The following ATF7 variants were observed in gnomAD, a reference collection of about 807,000 sequenced individuals.
ATF7 encodes cyclic AMP-dependent transcription factor ATF-7.
In ATF7, 10 loss-of-function variants were observed where a neutral mutation model predicts 50.4. The ratio of observed to expected loss-of-function variants is 0.20; its 90% CI spans 0.12 to 0.34. ATF7 has a LOEUF of 0.34. ATF7 is among the 10% of genes least tolerant of loss of function. ATF7 has a pLI of 1.00. For synonymous variants in ATF7, 201 were observed against 226.4 expected, an observed-to-expected ratio of 0.89 and a Z score of 1.01; for missense variants, 465 against 613.9, an observed-to-expected ratio of 0.76 and a Z score of 2.56.
intron 3 of ATF7, among the ~76,000 whole-genome samples, chr12:53,551,917 G>A (rs1179187975): frequency 6.6e-6 from 1 of 152,206 alleles, no homozygotes; most frequent in Non-Finnish European, 1.5e-5. Flanking sequence ...TGGTTTGAGA[G>A]CAGTTGCTAA....
chr12:53,600,229 T>C (rs1943335058), intron 2 of ATF7, among the ~76,000 whole-genome samples: 1 of 152,324 alleles, frequency 6.6e-6, no homozygotes, highest in South Asian at 2.1e-4. Context: ...AAAATCCAAA[T>C]AGATTCTGGC....
At chr12:53,606,341 C>T (rs562839626) in intron 1 of ATF7, among the ~76,000 whole-genome samples, 61 of 152,020 alleles carry the variant, frequency 4.0e-4, no homozygotes, top group African/African-American at 1.4e-3. Context: ...CTCTGCCTCC[C>T]GGATTCAAGC....
intron 2 of ATF7, among the ~76,000 whole-genome samples, chr12:53,586,784 C>T (rs1298345530): frequency 6.6e-6 from 1 of 152,126 alleles, no homozygotes; most frequent in East Asian, 1.9e-4. Context: ...ATCACTCTCT[C>T]ACACACACAC....
chr12:53,522,409 A>G (rs901564638), intron 11 of ATF7, among the ~76,000 whole-genome samples: 2 of 151,734 alleles, frequency 1.3e-5, no homozygotes. Flanking sequence ...AAACACAAAA[A>G]TTAGCCAGGC....
chr12:53,523,116 A>AT (rs939221646), intron 11 of ATF7, 160 bp downstream of exon 11: 15 of 586,516 alleles, frequency 2.6e-5, no homozygotes, highest in Middle Eastern at 4.6e-4. Context: ...CTACAAAAAC[A>AT]TTTTTTTTCT....
intron 1 of ATF7, among the ~76,000 whole-genome samples, chr12:53,613,006 GA>G: frequency 6.9e-6 from 1 of 145,644 alleles, no homozygotes; most frequent in Middle Eastern, 3.5e-3. Flanking sequence ...TCTGTCTCAA[GA>G]AAAAAAAAAG....
intron 2 of ATF7, among the ~76,000 whole-genome samples, chr12:53,574,318 T>C (rs1437241911): frequency 6.6e-6 from 1 of 152,134 alleles, no homozygotes; most frequent in South Asian, 2.1e-4. Context: ...CATGGAAGCA[T>C]TGCACCCCTT....
intron 2 of ATF7, among the ~76,000 whole-genome samples, chr12:53,573,130 G>C (rs1941866252): frequency 6.6e-6 from 1 of 151,210 alleles, no homozygotes. Flanking sequence ...GATATTTTGA[G>C]AGAGAGAACA....
At chr12:53,577,476 G>C (rs1942139907) in intron 2 of ATF7, among the ~76,000 whole-genome samples, 3 of 151,986 alleles carry the variant, frequency 2.0e-5, no homozygotes, top group Admixed American at 2.0e-4. Context: ...CAGCACTTTG[G>C]GAGGCCGAGG....
intron 11 of ATF7, among the ~76,000 whole-genome samples, chr12:53,520,882 G>T (rs1243281477): frequency 6.6e-6 from 1 of 151,840 alleles, no homozygotes; most frequent in African/African-American, 2.4e-5. Context: ...GCCTGCTCTC[G>T]TCACTTTCAC....
chr12:53,620,575 C>CAAAAAAAAA (rs34516346), intron 1 of ATF7, among the ~76,000 whole-genome samples: 165 of 75,658 alleles, frequency 2.2e-3, no homozygotes, highest in East Asian at 2.8e-3. Context: ...GACTCCGTCT[C>CAAAAAAAAA]AAAAAAAAAA....
intron 4 of ATF7, among the ~76,000 whole-genome samples, chr12:53,541,229 T>G (rs1939532003): frequency 1.3e-5 from 2 of 152,160 alleles, no homozygotes; most frequent in African/African-American, 4.8e-5. Context: ...ATGGAAATTT[T>G]TTCTTAAATA....
intron 2 of ATF7, among the ~76,000 whole-genome samples, chr12:53,594,589 T>A (rs1445784172): frequency 6.6e-6 from 1 of 152,194 alleles, no homozygotes; most frequent in Non-Finnish European, 1.5e-5. Flanking sequence ...GTCTACATTT[T>A]AAAAATTCCA....
chr12:53,543,806 T>C (rs1423572980), intron 3 of ATF7: 2 of 200,544 alleles, frequency 1.0e-5, no homozygotes, highest in African/African-American at 2.3e-5. Context: ...GAAAACCAAG[T>C]ATAGTTAAGC....
chr12:53,559,401 G>A lies in ATF7; in HGVS notation c.49-6764C>T, dbSNP rs146628113. ...AGGTATAAAATACAGAAAATGGGCT[G>A]GGTGCAGTGGCTCACATCCTTAATC... On this transcript the variant is annotated intron_variant, in intron 2 of 11. Transcript: ENST00000420353. Among the ~76,000 whole-genome samples the A allele has an allele frequency of 2.1e-3, 314 of 151,852 alleles. 1 individual carries two copies. Among genetic ancestry groups the A allele is most frequent in the African/African-American group, 7.4e-3 (308 of 41,434 alleles).
intron 11 of ATF7, among the ~76,000 whole-genome samples, chr12:53,521,880 T>C (rs1202741575): frequency 6.6e-6 from 1 of 152,202 alleles, no homozygotes; most frequent in Non-Finnish European, 1.5e-5. Context: ...AAAATTAAAA[T>C]TTAAGTAGAG....
At chr12:53,555,659 C>T (rs550562558) in intron 2 of ATF7, among the ~76,000 whole-genome samples, 16 of 150,818 alleles carry the variant, frequency 1.1e-4, no homozygotes, top group Non-Finnish European at 1.9e-4. Context: ...TACAGGCATG[C>T]GTCACCACGC....
At chr12:53,597,099 T>G (rs999336734) in intron 2 of ATF7, among the ~76,000 whole-genome samples, 3 of 151,992 alleles carry the variant, frequency 2.0e-5, no homozygotes, top group African/African-American at 7.3e-5. Context: ...CAAAAAAATC[T>G]CAACAGGAGA....
At chr12:53,551,511 T>A (rs1022947189) in intron 3 of ATF7, among the ~76,000 whole-genome samples, 19 of 152,210 alleles carry the variant, frequency 1.2e-4, no homozygotes, top group Non-Finnish European at 2.2e-4. Flanking sequence ...CCCATTTATG[T>A]CTTGTTCCTA....
Sources: allele counts gnomAD v4.1 joint callset (sites outside exome capture counted in the v4.1 genomes callset), GRCh38; gene constraint gnomAD v4.1.1; transcripts MANE v1.5; gene names NCBI Gene and HGNC (gene_info 2026-07-23, HGNC 2026-07-21).